The following LRMDA variants were observed in gnomAD, a reference collection of about 807,000 sequenced individuals.
LRMDA encodes the protein leucine rich melanocyte differentiation associated.
Under a neutral mutation model 29.8 loss-of-function variants are expected in LRMDA, and 18 were observed. The ratio of observed to expected loss-of-function variants is 0.60; its 90% CI spans 0.42 to 0.90. The LOEUF (loss-of-function observed/expected upper bound fraction) is 0.90, where lower values mean the gene tolerates loss of function less well. Among genes scored for constraint, LRMDA ranks in the 40% least tolerant of loss-of-function variants. LRMDA has a pLI of 0.00. For missense variants in LRMDA, 273 were observed against 273.9 expected (o/e 1.00, Z 0.02); for synonymous variants, 125 against 109.4 (o/e 1.14, Z -0.89).
chr10:76,388,449 C>T (rs1175426092), intron 6 of LRMDA, among the ~76,000 whole-genome samples: 2 of 152,200 alleles, frequency 1.3e-5, no homozygotes, highest in African/African-American at 2.4e-5. Flanking sequence ...ATACATTCAT[C>T]TGTTTGGGCT....
At chr10:75,695,401 T>C (rs1351741775) in intron 2 of LRMDA, among the ~76,000 whole-genome samples, 1 of 152,142 alleles carries the variant, frequency 6.6e-6, no homozygotes, top group African/African-American at 2.4e-5. Flanking sequence ...ACTAGTTTTT[T>C]TTTTGCTTCT....
chr10:76,302,398 G>A (rs1315902504), intron 5 of LRMDA, among the ~76,000 whole-genome samples: 1 of 152,144 alleles, frequency 6.6e-6, no homozygotes, highest in Non-Finnish European at 1.5e-5. Context: ...GAAGGTGTTG[G>A]CCATGTTTCA....
intron 2 of LRMDA, among the ~76,000 whole-genome samples, chr10:75,830,370 G>GTAT (rs1319231908): frequency 6.6e-6 from 1 of 152,176 alleles, no homozygotes; most frequent in Non-Finnish European, 1.5e-5. Flanking sequence ...ATGTACATTA[G>GTAT]TACACTGTAT....
At chr10:75,675,721 T>G (rs564089066) in intron 2 of LRMDA, among the ~76,000 whole-genome samples, 2,182 of 149,530 alleles carry the variant, frequency 0.015, 64 homozygotes, top group African/African-American at 0.051. Flanking sequence ...TTTTTTTTTG[T>G]TTGTTTGAAA....
At chr10:76,245,832 G>A (rs1852365846) in intron 5 of LRMDA, among the ~76,000 whole-genome samples, 2 of 152,146 alleles carry the variant, frequency 1.3e-5, no homozygotes, top group Admixed American at 1.3e-4. Flanking sequence ...GGAGGATGGG[G>A]ATAAAGACAA....
intron 2 of LRMDA, among the ~76,000 whole-genome samples, chr10:75,605,593 C>T (rs1199448125): frequency 6.6e-6 from 1 of 152,224 alleles, no homozygotes; most frequent in Non-Finnish European, 1.5e-5. Context: ...CCTAACGCAT[C>T]CTTTCTGGGC....
At chr10:76,398,213 G>A (rs974740485) in intron 6 of LRMDA, among the ~76,000 whole-genome samples, 13 of 152,112 alleles carry the variant, frequency 8.5e-5, no homozygotes, top group East Asian at 1.9e-4. Flanking sequence ...TAGCTCATGC[G>A]GACTTCTAGC....
intron 6 of LRMDA, among the ~76,000 whole-genome samples, chr10:76,410,046 T>C (rs552741462): frequency 1.3e-4 from 19 of 151,914 alleles, no homozygotes; most frequent in African/African-American, 4.6e-4. Context: ...CAGGGAGAAA[T>C]GTGAGAAGAG....
intron 5 of LRMDA, among the ~76,000 whole-genome samples, chr10:76,169,833 G>C (rs1198032902): frequency 6.6e-6 from 1 of 152,192 alleles, no homozygotes; most frequent in Non-Finnish European, 1.5e-5. Context: ...CATTGGGTGT[G>C]ATAGGAGAAT....
intron 6 of LRMDA, among the ~76,000 whole-genome samples, chr10:76,356,507 T>C (rs997618116): frequency 3.9e-5 from 6 of 152,152 alleles, no homozygotes; most frequent in Non-Finnish European, 8.8e-5. Context: ...GAGAAAACCG[T>C]ATTTTTTTTT....
chr10:75,911,727 T>C (rs1030573268), intron 2 of LRMDA, among the ~76,000 whole-genome samples: 3 of 152,200 alleles, frequency 2.0e-5, no homozygotes, highest in African/African-American at 7.2e-5. Context: ...GGCTATCTAC[T>C]GTGTCAGATA....
In LRMDA at chr10:76,304,422, G is replaced by C. The variant is rs779965801; in HGVS notation, c.517-19979G>C. Among the ~76,000 whole-genome samples the C allele has an allele frequency of 7.2e-5, 11 of 152,320 alleles. No homozygotes were observed. In the East Asian group the frequency reaches 7.7e-4, roughly 11 times the overall value. On this transcript the variant is annotated intron_variant, in intron 5 of 6. Coordinates refer to ENST00000611255, the MANE Select transcript of LRMDA (RefSeq NM_001305581.2). ...GGCAGAAGCGCACCTTAAACTTGTA[G>C]TCCTTTCACATACGAGAAATCAACT...
At chr10:76,015,125 T>C (rs1336131144) in intron 2 of LRMDA, among the ~76,000 whole-genome samples, 2 of 152,254 alleles carry the variant, frequency 1.3e-5, no homozygotes, top group African/African-American at 2.4e-5. Flanking sequence ...GGTTGGAAGA[T>C]TGAAGAAATA....
chr10:75,799,358 T>C (rs1843708183), intron 2 of LRMDA, among the ~76,000 whole-genome samples: 1 of 152,284 alleles, frequency 6.6e-6, no homozygotes, highest in South Asian at 2.1e-4. Flanking sequence ...CCAATATCAG[T>C]GTAGCCATAC....
chr10:76,487,809 A>C (rs79828615), intron 6 of LRMDA, among the ~76,000 whole-genome samples: 3,617 of 152,022 alleles, frequency 0.024, 74 homozygotes, highest in South Asian at 0.11. Flanking sequence ...TACTAAGTGA[A>C]AGAGCTGAGA....
At chr10:76,050,572 C>A (rs1020085034) in intron 4 of LRMDA, among the ~76,000 whole-genome samples, 1 of 152,132 alleles carries the variant, frequency 6.6e-6, no homozygotes, top group Non-Finnish European at 1.5e-5. Flanking sequence ...TGTGTACACA[C>A]CATGCTGCTA....
chr10:75,468,293 G>A (rs1304900166), intron 2 of LRMDA, among the ~76,000 whole-genome samples: 2 of 152,098 alleles, frequency 1.3e-5, no homozygotes, highest in East Asian at 1.9e-4. Context: ...GGTGCGGGGC[G>A]GGGTTAGGGA....
chr10:76,453,333 A>T (rs1425644760), intron 6 of LRMDA, among the ~76,000 whole-genome samples: 5 of 152,212 alleles, frequency 3.3e-5, no homozygotes, highest in African/African-American at 1.2e-4. Flanking sequence ...TTTAGTTGCC[A>T]ACTAAGGTGT....
chr10:76,156,128 C>A (rs1383443589), intron 5 of LRMDA, among the ~76,000 whole-genome samples: 1 of 152,122 alleles, frequency 6.6e-6, no homozygotes, highest in Admixed American at 6.6e-5. Flanking sequence ...AATGGCTAAA[C>A]CTGACAGCCT....
Sources: allele counts gnomAD v4.1 joint callset (sites outside exome capture counted in the v4.1 genomes callset), GRCh38; gene constraint gnomAD v4.1.1; transcripts MANE v1.5; gene names NCBI Gene and HGNC (gene_info 2026-07-23, HGNC 2026-07-21).